LHFPL3: variants seen among roughly 807,000 people sequenced by gnomAD.
LHFPL3 encodes LHFPL tetraspan subfamily member 3 protein.
In LHFPL3, 5 loss-of-function variants were observed where a neutral mutation model predicts 19.3. That is an observed-to-expected ratio of 0.26 (90% CI 0.14 to 0.54). The LOEUF (loss-of-function observed/expected upper bound fraction) is 0.54, where lower values mean the gene tolerates loss of function less well. Ranked by LOEUF, LHFPL3 falls within the 20% of genes least tolerant of loss-of-function variation. The pLI, the probability that LHFPL3 is intolerant of heterozygous loss-of-function variation, is 0.94. For missense variants in LHFPL3, 249 were observed against 307.4 expected (o/e 0.81, Z 1.42); for synonymous variants, 133 against 126.2 (o/e 1.05, Z -0.36).
rs1792388294 is a variant in LHFPL3 at position 104,667,922 on chromosome 7, C to T, written c.446-68753C>T. 5.0e-6 allele frequency: 8 copies of T among 1,613,110 alleles called. No homozygotes were observed. In the South Asian group the frequency reaches 5.5e-5, roughly 11 times the overall value. On this transcript the variant is annotated intron_variant, in intron 1 of 2. Transcript: ENST00000424859. The stretch of plus-strand genomic sequence containing the variant: ...ATGTTTCTACAACTTGGCACAGTAA[C>T]GATGACGATGTGTACAGGGCGCCTC...
At chr7:104,847,602 C>G (rs1012483429) in intron 2 of LHFPL3, among the ~76,000 whole-genome samples, 1 of 152,182 alleles carries the variant, frequency 6.6e-6, no homozygotes, top group African/African-American at 2.4e-5. Flanking sequence ...CCTCCGACTC[C>G]CAGGTTTGAG....
intron 1 of LHFPL3, among the ~76,000 whole-genome samples, chr7:104,513,913 G>T (rs533169830): frequency 1.3e-5 from 2 of 152,276 alleles, no homozygotes; most frequent in African/African-American, 4.8e-5. Context: ...GTACACTTAT[G>T]TTTGTTTCAA....
At chr7:104,336,968 G>A (rs1789822424) in intron 1 of LHFPL3, among the ~76,000 whole-genome samples, 1 of 152,154 alleles carries the variant, frequency 6.6e-6, no homozygotes, top group African/African-American at 2.4e-5. Flanking sequence ...ATGGCAGATA[G>A]GATTTTGAAG....
chr7:104,329,366 C>A, intron 1 of LHFPL3, 142 bp downstream of exon 1: 1 of 1,131,644 alleles, frequency 8.8e-7, no homozygotes, highest in Non-Finnish European at 1.2e-6. Context: ...GTGTGGGGGG[C>A]GGGAGCCCAG....
rs184340401 is a variant in LHFPL3 at position 104,461,631 on chromosome 7, G to A, written c.445+132407G>A. On this transcript the variant is annotated intron_variant, in intron 1 of 2. Transcript: ENST00000424859. ...AGCCCTGGAGTGTAGTTTGAAGTAA[G>A]GTAACATGAGCTTCCATCTTTGTTC... Among the ~76,000 whole-genome samples the A allele has an allele frequency of 9.7e-4, 147 of 152,204 alleles. No homozygotes were observed. In the Middle Eastern group the frequency reaches 0.014, roughly 14 times the overall value.
intron 1 of LHFPL3, among the ~76,000 whole-genome samples, chr7:104,734,080 C>T (rs1793755411): frequency 6.6e-6 from 1 of 152,222 alleles, no homozygotes; most frequent in African/African-American, 2.4e-5. Context: ...AGAGTTTCTG[C>T]TGAGAGATCA....
intron 1 of LHFPL3, among the ~76,000 whole-genome samples, chr7:104,524,785 T>C (rs1794152979): frequency 6.6e-6 from 1 of 152,204 alleles, no homozygotes; most frequent in African/African-American, 2.4e-5. Context: ...TCAGATTTCC[T>C]CCAAAATTTA....
intron 2 of LHFPL3, among the ~76,000 whole-genome samples, chr7:104,792,909 T>C (rs1157956896): frequency 1.3e-5 from 2 of 152,190 alleles, no homozygotes; most frequent in Admixed American, 6.5e-5. Flanking sequence ...TTTTTTTGTT[T>C]TTTGAGATGG....
chr7:104,874,535 C>T lies in LHFPL3; in HGVS notation c.683-31652C>T, dbSNP rs144714273. On this transcript the variant is annotated intron_variant, in intron 2 of 2. Coordinates refer to ENST00000424859, the MANE Select transcript of LHFPL3 (RefSeq NM_199000.3). ...TCAGCCTCCTAAGTAGCTGGGATTA[C>T]AGGCATGCATCACCACACCCGGCTA... Among the ~76,000 whole-genome samples the T allele has an allele frequency of 1.4e-4, 21 of 152,104 alleles. No homozygotes were observed. In the East Asian group the frequency reaches 3.9e-3, roughly 28 times the overall value.
intron 1 of LHFPL3, among the ~76,000 whole-genome samples, chr7:104,636,771 T>C (rs1791735517): frequency 1.3e-5 from 2 of 152,258 alleles, no homozygotes; most frequent in African/African-American, 4.8e-5. Flanking sequence ...TAAAACATTT[T>C]CTTTAGTCTA....
intron 1 of LHFPL3, among the ~76,000 whole-genome samples, chr7:104,424,286 C>T (rs1791794438): frequency 6.6e-6 from 1 of 152,190 alleles, no homozygotes; most frequent in African/African-American, 2.4e-5. Context: ...CCACTTGGCT[C>T]AAGGTACTTT....
At chr7:104,792,756 C>T (rs1790049653) in intron 2 of LHFPL3, among the ~76,000 whole-genome samples, 1 of 152,168 alleles carries the variant, frequency 6.6e-6, no homozygotes, top group Admixed American at 6.5e-5. Context: ...TCTGCATCTA[C>T]TTATCTTTCT....
intron 1 of LHFPL3, among the ~76,000 whole-genome samples, chr7:104,466,088 C>G (rs1792778116): frequency 6.6e-6 from 1 of 152,078 alleles, no homozygotes; most frequent in Non-Finnish European, 1.5e-5. Context: ...ATCCATTTGT[C>G]CAATGTTAAG....
chr7:104,841,393 A>G (rs1791200896), intron 2 of LHFPL3, among the ~76,000 whole-genome samples: 2 of 151,994 alleles, frequency 1.3e-5, no homozygotes, highest in Admixed American at 1.3e-4. Context: ...TCCTAGGAGC[A>G]TGGATAAGGA....
At chr7:104,675,031 T>G (rs753817053) in intron 1 of LHFPL3, among the ~76,000 whole-genome samples, 49 of 152,210 alleles carry the variant, frequency 3.2e-4, no homozygotes, top group Non-Finnish European at 6.3e-4. Context: ...AACGTTTTGA[T>G]GCGAAAAACT....
chr7:104,667,648 A>G, intron 1 of LHFPL3: 1 of 858,620 alleles, frequency 1.2e-6, no homozygotes, highest in Non-Finnish European at 1.8e-6. Flanking sequence ...TGAAACAGCC[A>G]AGGGTAAATA....
At chr7:104,790,242 C>T (rs1189576161) in intron 2 of LHFPL3, among the ~76,000 whole-genome samples, 2 of 152,162 alleles carry the variant, frequency 1.3e-5, no homozygotes, top group East Asian at 3.8e-4. Flanking sequence ...CTGTTTACCA[C>T]CCAAGGCAAT....
chr7:104,737,355 T>G (rs1266314285), intron 2 of LHFPL3, among the ~76,000 whole-genome samples: 1 of 152,150 alleles, frequency 6.6e-6, no homozygotes, highest in Non-Finnish European at 1.5e-5. Flanking sequence ...TTAAACTATT[T>G]GTGATAATTG....
intron 2 of LHFPL3, among the ~76,000 whole-genome samples, chr7:104,858,239 G>A (rs1458772449): frequency 6.6e-6 from 1 of 152,120 alleles, no homozygotes; most frequent in Non-Finnish European, 1.5e-5. Flanking sequence ...TGGTGCTCAA[G>A]AGCAGACCTA....
Sources: allele counts gnomAD v4.1 joint callset (sites outside exome capture counted in the v4.1 genomes callset), GRCh38; gene constraint gnomAD v4.1.1; transcripts MANE v1.5; gene names NCBI Gene and HGNC (gene_info 2026-07-23, HGNC 2026-07-21).